The following SCN11A variants were observed in gnomAD, a reference collection of about 807,000 sequenced individuals.
SCN11A encodes sodium voltage-gated channel alpha subunit 11, also known as sodium channel protein type 11 subunit alpha.
In SCN11A, 122 loss-of-function variants were observed where a neutral mutation model predicts 162.2. The observed-to-expected ratio is 0.75, with a 90% CI of 0.65 to 0.87. The LOEUF is 0.87. Among genes scored for constraint, SCN11A ranks in the 40% least tolerant of loss-of-function variants. The pLI is 0.00. For missense variants in SCN11A, 2,015 were observed against 2,181.6 expected (o/e 0.92, Z 1.52); for synonymous variants, 758 against 751.5 (o/e 1.01, Z -0.14).
At chr3:38,947,702 C>A (rs1251964651) in intron 5 of SCN11A, among the ~76,000 whole-genome samples, 1 of 152,220 alleles carries the variant, frequency 6.6e-6, no homozygotes, top group African/African-American at 2.4e-5. Flanking sequence ...TCCCTGGGCA[C>A]TGGGAATGAA....
intron 7 of SCN11A, among the ~76,000 whole-genome samples, chr3:38,931,481 T>C (rs1236780849): frequency 6.6e-6 from 1 of 152,114 alleles, no homozygotes; most frequent in Non-Finnish European, 1.5e-5. Flanking sequence ...AGGAAAAAGG[T>C]AGGGTGGAAG....
intron 6 of SCN11A, 49 bp downstream of exon 6, chr3:38,946,740 G>A (rs1346622568): frequency 4.2e-6 from 5 of 1,200,044 alleles, no homozygotes; most frequent in South Asian, 2.6e-5. Flanking sequence ...TGGGGCACGT[G>A]CACTTTTCAA....
At chr3:38,901,112 G>C (rs955039993) in intron 16 of SCN11A, among the ~76,000 whole-genome samples, 2 of 151,948 alleles carry the variant, frequency 1.3e-5, no homozygotes, top group African/African-American at 4.8e-5. Context: ...TACAATTCTG[G>C]GGGGAACCTA....
intron 2 of SCN11A, among the ~76,000 whole-genome samples, chr3:39,007,144 C>T (rs977093955): frequency 1.1e-4 from 17 of 152,090 alleles, no homozygotes; most frequent in Non-Finnish European, 2.5e-4. Context: ...CAAGACATAT[C>T]ACTGGGAGAT....
chr3:38,924,971 A>G (rs1314154812), intron 9 of SCN11A, among the ~76,000 whole-genome samples: 1 of 151,806 alleles, frequency 6.6e-6, no homozygotes, highest in Non-Finnish European at 1.5e-5. Flanking sequence ...CCACCTTCAA[A>G]TCTCTGCCAC....
intron 2 of SCN11A, among the ~76,000 whole-genome samples, chr3:39,007,155 T>A (rs2031002408): frequency 6.6e-6 from 1 of 152,144 alleles, no homozygotes; most frequent in Non-Finnish European, 1.5e-5. Context: ...ACTGGGAGAT[T>A]TTAGAATGCT....
intron 2 of SCN11A, among the ~76,000 whole-genome samples, chr3:38,980,223 GCTTT>G (rs1254391172): frequency 1.8e-4 from 27 of 151,040 alleles, no homozygotes; most frequent in Non-Finnish European, 1.0e-4. Context: ...ATCTCTTTCT[GCTTT>G]CTTTGAGAAA....
chr3:39,013,380 T>TG (rs1189183073), intron 2 of SCN11A, among the ~76,000 whole-genome samples: 1 of 152,104 alleles, frequency 6.6e-6, no homozygotes, highest in African/African-American at 2.4e-5. Flanking sequence ...ATCCAGTCCC[T>TG]GCTGGAGATG....
chr3:39,034,406 T>C (rs1227361734), intron 1 of SCN11A, among the ~76,000 whole-genome samples: 6 of 152,128 alleles, frequency 3.9e-5, no homozygotes, highest in Admixed American at 3.3e-4. Flanking sequence ...CCAACATCCC[T>C]TCATGATAAA....
chr3:38,917,176 G>C (rs942451101), intron 11 of SCN11A, among the ~76,000 whole-genome samples: 1 of 152,218 alleles, frequency 6.6e-6, no homozygotes, highest in Non-Finnish European at 1.5e-5. Flanking sequence ...ACAGATGCTG[G>C]CATGGATGCG....
intron 10 of SCN11A, among the ~76,000 whole-genome samples, chr3:38,920,840 G>A (rs973122174): frequency 3.3e-5 from 5 of 152,264 alleles, no homozygotes; most frequent in Non-Finnish European, 5.9e-5. Flanking sequence ...AAAGGGATGG[G>A]ACAGCATAGA....
In SCN11A at chr3:38,908,065, A is replaced by C; in HGVS notation, c.1357T>G (p.Phe453Val). The change falls in exon 14 of 30, where the codon TTT becomes GTT. Residue 453 changes from phenylalanine (F) to valine (V), a missense_variant. Physicochemically the swap from Phe to Val is conservative, Grantham distance 50. Transcript: ENST00000302328. ...SSLTSLETSY[F>V]TPKKRKLFGN... ...AAGAGCTTTCTCTTTTTTGGGGTAAAATATGATGTTTCAAGGGAAGTAAGT... is the reference window on the plus strand; with the variant it reads ...AAGAGCTTTCTCTTTTTTGGGGTAACATATGATGTTTCAAGGGAAGTAAGT... 6.2e-7 allele frequency: 1 copy of C among 1,613,344 alleles called. No individual in the cohort carries two copies. Among genetic ancestry groups the C allele is most frequent in the African/African-American group, 1.3e-5 (1 of 74,994 alleles).
intron 2 of SCN11A, among the ~76,000 whole-genome samples, chr3:39,009,485 G>A (rs1016931646): frequency 4.6e-5 from 7 of 150,962 alleles, no homozygotes; most frequent in African/African-American, 1.7e-4. Flanking sequence ...GGGCTCTTGA[G>A]ACCAGAAAGT....
At chr3:38,992,826 C>A (rs1225719432) in intron 2 of SCN11A, among the ~76,000 whole-genome samples, 1 of 152,202 alleles carries the variant, frequency 6.6e-6, no homozygotes, top group Non-Finnish European at 1.5e-5. Context: ...TTTCCTGATA[C>A]ATCAAGGGCA....
chr3:39,027,496 A>G (rs1216029253), intron 2 of SCN11A, among the ~76,000 whole-genome samples: 1 of 152,202 alleles, frequency 6.6e-6, no homozygotes, highest in African/African-American at 2.4e-5. Context: ...GCTCAGCTCG[A>G]AAGTGTAGGT....
intron 2 of SCN11A, among the ~76,000 whole-genome samples, chr3:38,990,999 C>T (rs1048589163): frequency 2.6e-5 from 4 of 152,076 alleles, no homozygotes; most frequent in African/African-American, 4.8e-5. Flanking sequence ...ATCTTTCTTC[C>T]GTCTCCTGGG....
chr3:39,008,005 A>G (rs947440424), intron 2 of SCN11A, among the ~76,000 whole-genome samples: 5 of 152,176 alleles, frequency 3.3e-5, no homozygotes, highest in African/African-American at 1.2e-4. Context: ...AGTGAATTAA[A>G]TTGTAGGACA....
chr3:38,852,828 G>A (rs2064805254), intron 28 of SCN11A, among the ~76,000 whole-genome samples: 1 of 152,202 alleles, frequency 6.6e-6, no homozygotes, highest in South Asian at 2.1e-4. Flanking sequence ...CAGACTCAGG[G>A]ACTTCTGGTG....
rs770434187 is a variant in SCN11A at position 38,885,271 on chromosome 3, G to C, written c.3064+17C>G. 7.0e-7 allele frequency: 1 copy of C among 1,431,726 alleles called. No homozygotes were observed. 88.7% of individuals were successfully genotyped at this position (1,431,726 alleles called of 1,614,324 possible). ...CCAAAGATTCTGTGAACTGGATGCA[G>C]AAATACTGCCACTTACCTTTGGGCA... is the stretch of plus-strand genomic sequence containing the variant. On this transcript the variant is annotated intron_variant, in intron 21 of 29. Coordinates refer to ENST00000302328, the MANE Select transcript of SCN11A (RefSeq NM_001349253.2).
Sources: allele counts gnomAD v4.1 joint callset (sites outside exome capture counted in the v4.1 genomes callset), GRCh38; gene constraint gnomAD v4.1.1; transcripts MANE v1.5; gene names NCBI Gene and HGNC (gene_info 2026-07-23, HGNC 2026-07-21).